The following CSNK2A2IP variants were observed in gnomAD, a reference collection of about 807,000 sequenced individuals.
CSNK2A2IP encodes the protein casein kinase 2 subunit alpha' interacting protein, also known as casein kinase II subunit alpha'-interacting protein.
chr3:88,389,750 C>A, the CSNK2A2IP span, among the ~76,000 whole-genome samples: 2 of 150,940 alleles, frequency 1.3e-5, no homozygotes, highest in African/African-American at 2.4e-5. Context: ...AAGGACAGAG[C>A]CAACAGTGGC....
the CSNK2A2IP span, among the ~76,000 whole-genome samples, chr3:88,378,419 A>G: frequency 1.3e-5 from 2 of 151,914 alleles, no homozygotes; most frequent in African/African-American, 2.4e-5. Context: ...AGATTTCTAT[A>G]TTCTAAACCA....
chr3:88,381,037 C>T, the CSNK2A2IP span, among the ~76,000 whole-genome samples: 8 of 152,246 alleles, frequency 5.3e-5, no homozygotes, highest in South Asian at 2.1e-4. Flanking sequence ...AAAGAGGTTA[C>T]TTAAAACGCC....
At chr3:88,355,175 G>A in the CSNK2A2IP span, among the ~76,000 whole-genome samples, 2 of 152,138 alleles carry the variant, frequency 1.3e-5, no homozygotes, top group African/African-American at 4.8e-5. Flanking sequence ...GGAAGTTAAA[G>A]GCAGATTTCA....
the CSNK2A2IP span, among the ~76,000 whole-genome samples, chr3:88,370,365 C>T: frequency 1.3e-5 from 2 of 151,956 alleles, no homozygotes; most frequent in South Asian, 4.1e-4. Flanking sequence ...AAAGTGACAT[C>T]AGTCAAAGGT....
the CSNK2A2IP span, among the ~76,000 whole-genome samples, chr3:88,461,952 T>C: frequency 6.6e-6 from 1 of 151,994 alleles, no homozygotes; most frequent in South Asian, 2.1e-4. Context: ...TTGCCCAGGC[T>C]GGACTCCATT....
At chr3:88,440,824 T>G in the CSNK2A2IP span, among the ~76,000 whole-genome samples, 1 of 152,142 alleles carries the variant, frequency 6.6e-6, no homozygotes, top group Non-Finnish European at 1.5e-5. Flanking sequence ...CTGTAGCATT[T>G]TAATACATTC....
chr3:88,398,729 A>G, the CSNK2A2IP span, among the ~76,000 whole-genome samples: 1 of 152,184 alleles, frequency 6.6e-6, no homozygotes, highest in Admixed American at 6.5e-5. Context: ...AAGTCTTGAG[A>G]TACTATAAAG....
chr3:88,412,340 A>G, the CSNK2A2IP span, among the ~76,000 whole-genome samples: 4 of 151,926 alleles, frequency 2.6e-5, no homozygotes, highest in Non-Finnish European at 5.9e-5. Context: ...GCCTTCTACT[A>G]AATTCTCTGC....
At chr3:88,380,872 A>G in the CSNK2A2IP span, among the ~76,000 whole-genome samples, 2 of 152,314 alleles carry the variant, frequency 1.3e-5, no homozygotes, top group South Asian at 2.1e-4. Context: ...TATTTCTTTC[A>G]CATGTTGATC....
the CSNK2A2IP span, among the ~76,000 whole-genome samples, chr3:88,347,359 C>T: frequency 6.6e-6 from 1 of 152,142 alleles, no homozygotes; most frequent in East Asian, 1.9e-4. Context: ...AACAACACTG[C>T]ATGCTACAGA....
At chr3:88,387,449 A>G in the CSNK2A2IP span, among the ~76,000 whole-genome samples, 4 of 152,240 alleles carry the variant, frequency 2.6e-5, no homozygotes, top group East Asian at 7.8e-4. Flanking sequence ...GATTACAGGC[A>G]TGAGCTACTG....
the CSNK2A2IP span, among the ~76,000 whole-genome samples, chr3:88,443,763 A>C: frequency 2.0e-5 from 3 of 152,214 alleles, no homozygotes; most frequent in Non-Finnish European, 4.4e-5. Context: ...TTGTTGCAGA[A>C]TAGCAGAGGA....
At chr3:88,370,610 C>CTCTCTCTT in the CSNK2A2IP span, among the ~76,000 whole-genome samples, 15 of 148,034 alleles carry the variant, frequency 1.0e-4, no homozygotes, top group African/African-American at 3.5e-4. Context: ...CTCTCTCTCT[C>CTCTCTCTT]TCTTTCTTTC....
the CSNK2A2IP span, among the ~76,000 whole-genome samples, chr3:88,413,853 C>T: frequency 6.6e-6 from 1 of 151,890 alleles, no homozygotes; most frequent in East Asian, 1.9e-4. Context: ...TTGCAACCTA[C>T]ATGAAAAATG....
the CSNK2A2IP span, among the ~76,000 whole-genome samples, chr3:88,446,034 C>CTTTCTTTCT: frequency 4.5e-4 from 10 of 22,098 alleles, 1 homozygote; most frequent in African/African-American, 1.7e-3. Context: ...TGTTTCTTTT[C>CTTTCTTTCT]TTTCTTTCTT....
the CSNK2A2IP span, among the ~76,000 whole-genome samples, chr3:88,464,143 T>C: frequency 7.9e-6 from 1 of 127,312 alleles, no homozygotes; most frequent in Non-Finnish European, 1.6e-5. Context: ...AAGGGGAACA[T>C]CACACACCGG....
At chr3:88,383,295 G>A in the CSNK2A2IP span, among the ~76,000 whole-genome samples, 1 of 152,312 alleles carries the variant, frequency 6.6e-6, no homozygotes, top group South Asian at 2.1e-4. Flanking sequence ...GAGTTGGGCA[G>A]ACATAATCTC....
At chr3:88,378,429 A>G in the CSNK2A2IP span, among the ~76,000 whole-genome samples, 4 of 152,034 alleles carry the variant, frequency 2.6e-5, no homozygotes, top group Admixed American at 6.6e-5. Flanking sequence ...ATTCTAAACC[A>G]GTGCTTTCCA....
the CSNK2A2IP span, among the ~76,000 whole-genome samples, chr3:88,427,433 A>C: frequency 6.6e-6 from 1 of 152,216 alleles, no homozygotes; most frequent in African/African-American, 2.4e-5. Context: ...CATAAGTAAC[A>C]AGGAGCCAAA....
Sources: gnomAD v4.1 joint callset for allele counts (sites outside exome capture counted in the v4.1 genomes callset) on GRCh38, gnomAD v4.1.1 for gene constraint, MANE v1.5 for transcripts, NCBI Gene and HGNC (gene_info 2026-07-23, HGNC 2026-07-21) for gene names.